Variants in CCSER1 observed in about 807,000 individuals in gnomAD.
CCSER1 encodes the protein serine-rich coiled-coil domain-containing protein 1.
In CCSER1, 41 loss-of-function variants were observed where a neutral mutation model predicts 82.0. The observed-to-expected ratio is 0.50, with a 90% CI of 0.39 to 0.65. The LOEUF is 0.65. CCSER1 is among the 30% of genes least tolerant of loss of function. The pLI is 0.00. For synonymous variants in CCSER1, 414 were observed against 383.9 expected, an observed-to-expected ratio of 1.08 and a Z score of -0.92; for missense variants, 1,119 against 1,064.2, an observed-to-expected ratio of 1.05 and a Z score of -0.72.
chr4:90,685,771 C>T (rs1266332795), intron 6 of CCSER1, among the ~76,000 whole-genome samples: 1 of 152,138 alleles, frequency 6.6e-6, no homozygotes, highest in Non-Finnish European at 1.5e-5. Context: ...AAAATCAAAC[C>T]GCGATACTGA....
chr4:91,416,281 C>T (rs933934404), intron 10 of CCSER1, among the ~76,000 whole-genome samples: 18 of 151,658 alleles, frequency 1.2e-4, no homozygotes, highest in East Asian at 5.8e-4. Flanking sequence ...ACTGCCCAGA[C>T]GAATTTATAC....
At chr4:91,523,083 AG>A (rs1760578180) in intron 10 of CCSER1, among the ~76,000 whole-genome samples, 1 of 152,162 alleles carries the variant, frequency 6.6e-6, no homozygotes, top group Admixed American at 6.5e-5. Context: ...TTTAGCATGA[AG>A]GGCTGTTGAG....
intron 8 of CCSER1, among the ~76,000 whole-genome samples, chr4:90,871,395 T>G (rs929679288): frequency 2.0e-5 from 3 of 151,836 alleles, no homozygotes; most frequent in African/African-American, 7.2e-5. Context: ...TCAAGAAATT[T>G]TAAAATTTCC....
At chr4:90,582,485 G>A (rs549668057) in intron 5 of CCSER1, among the ~76,000 whole-genome samples, 3 of 152,266 alleles carry the variant, frequency 2.0e-5, no homozygotes, top group East Asian at 1.9e-4. Context: ...CACATGATTA[G>A]TACAAAGCAA....
intron 10 of CCSER1, among the ~76,000 whole-genome samples, chr4:91,460,572 T>G (rs1446387530): frequency 6.6e-6 from 1 of 152,194 alleles, no homozygotes; most frequent in Non-Finnish European, 1.5e-5. Context: ...ATGGTGATGA[T>G]GATGATAATT....
chr4:90,343,008 A>T (rs1419780573), intron 3 of CCSER1, among the ~76,000 whole-genome samples: 3 of 151,778 alleles, frequency 2.0e-5, no homozygotes, highest in Non-Finnish European at 2.9e-5. Context: ...CTTCTTCTTC[A>T]CTGCATTTTC....
At chr4:91,376,285 T>A (rs1447194828) in intron 10 of CCSER1, among the ~76,000 whole-genome samples, 1 of 152,148 alleles carries the variant, frequency 6.6e-6, no homozygotes, top group Admixed American at 6.6e-5. Flanking sequence ...TACACAAGCC[T>A]AGATGGAATA....
intron 10 of CCSER1, among the ~76,000 whole-genome samples, chr4:91,256,933 C>A (rs537454546): frequency 6.6e-6 from 1 of 152,302 alleles, no homozygotes; most frequent in East Asian, 1.9e-4. Flanking sequence ...CTGACATATT[C>A]TTTCTTTAGT....
At chr4:90,281,433 T>A (rs1728827825) in intron 1 of CCSER1, among the ~76,000 whole-genome samples, 2 of 152,016 alleles carry the variant, frequency 1.3e-5, no homozygotes, top group Non-Finnish European at 2.9e-5. Context: ...CAAACCCCCA[T>A]GACATGCAGT....
At chr4:90,170,328 T>C (rs571679288) in intron 1 of CCSER1, among the ~76,000 whole-genome samples, 5 of 152,114 alleles carry the variant, frequency 3.3e-5, no homozygotes, top group Middle Eastern at 3.4e-3. Flanking sequence ...ATATGTATAT[T>C]GTTTTTACTG....
At chr4:91,221,853 A>G (rs1489314328) in intron 10 of CCSER1, among the ~76,000 whole-genome samples, 1 of 152,152 alleles carries the variant, frequency 6.6e-6, no homozygotes, top group East Asian at 1.9e-4. Flanking sequence ...GCTCAGAAAA[A>G]TGGGGTATAC....
At chr4:90,533,317 C>A (rs1356626861) in intron 5 of CCSER1, among the ~76,000 whole-genome samples, 3 of 151,830 alleles carry the variant, frequency 2.0e-5, no homozygotes, top group Admixed American at 2.0e-4. Flanking sequence ...GGATGGTCTC[C>A]ATCTCCTGAC....
intron 6 of CCSER1, among the ~76,000 whole-genome samples, chr4:90,708,394 C>CT (rs1739808391): frequency 6.6e-6 from 1 of 152,146 alleles, no homozygotes; most frequent in Admixed American, 6.6e-5. Context: ...ACCAAAAACA[C>CT]TGAGTTCATT....
At chr4:90,155,035 T>C (rs906751157) in intron 1 of CCSER1, among the ~76,000 whole-genome samples, 1 of 152,210 alleles carries the variant, frequency 6.6e-6, no homozygotes, top group Non-Finnish European at 1.5e-5. Context: ...ATAGCTCTTA[T>C]TATTTTGAGA....
At chr4:90,482,238 T>G (rs1766126292) in intron 5 of CCSER1, among the ~76,000 whole-genome samples, 2 of 152,200 alleles carry the variant, frequency 1.3e-5, no homozygotes, top group African/African-American at 2.4e-5. Flanking sequence ...CATTTTTTAT[T>G]GCATCTATTT....
At chr4:90,573,498 T>G (rs1308005794) in intron 5 of CCSER1, among the ~76,000 whole-genome samples, 1 of 152,228 alleles carries the variant, frequency 6.6e-6, no homozygotes, top group Non-Finnish European at 1.5e-5. Context: ...CACTGTCTTG[T>G]GTTGGGGAAT....
At chr4:90,774,173 A>G (rs1483662678) in intron 7 of CCSER1, among the ~76,000 whole-genome samples, 1 of 152,152 alleles carries the variant, frequency 6.6e-6, no homozygotes, top group Non-Finnish European at 1.5e-5. Context: ...ATCTCAGGTT[A>G]AAAGAATAAT....
intron 10 of CCSER1, among the ~76,000 whole-genome samples, chr4:91,406,658 A>G (rs936269423): frequency 3.3e-5 from 5 of 152,214 alleles, no homozygotes; most frequent in African/African-American, 1.2e-4. Context: ...CAATGTATTC[A>G]TGATTTTTCC....
Position 91,436,034 on chromosome 4 carries a change from G to A in CCSER1, c.2218-162538G>A, listed in dbSNP as rs375101811. Among the ~76,000 whole-genome samples the A allele has an allele frequency of 2.6e-5, 4 of 152,136 alleles. No homozygotes were observed. The East Asian group carries it at 5.8e-4, about 22-fold the overall frequency. Reference sequence around the variant, plus strand: ...TCTGCCCATCCATTTGTGGCTCCCTGCAATCAATTTTCATCATTGAAGGTA... The same window carrying A: ...TCTGCCCATCCATTTGTGGCTCCCTACAATCAATTTTCATCATTGAAGGTA... On this transcript the variant is annotated intron_variant, in intron 10 of 10. Coordinates refer to ENST00000509176, the MANE Select transcript of CCSER1 (RefSeq NM_001145065.2).
Sources: gnomAD v4.1 joint callset for allele counts (sites outside exome capture counted in the v4.1 genomes callset) on GRCh38, gnomAD v4.1.1 for gene constraint, MANE v1.5 for transcripts, NCBI Gene and HGNC (gene_info 2026-07-23, HGNC 2026-07-21) for gene names.